The following ARHGAP28 variants were observed in gnomAD, a reference collection of about 807,000 sequenced individuals.
ARHGAP28 encodes rho GTPase-activating protein 28.
ARHGAP28 carries 56 observed loss-of-function variants against 90.7 expected under a neutral mutation model. The observed-to-expected ratio is 0.62, with a 90% CI of 0.50 to 0.77. The LOEUF (loss-of-function observed/expected upper bound fraction) is 0.77, where lower values mean the gene tolerates loss of function less well. ARHGAP28 is among the 30% of genes least tolerant of loss of function. The pLI is 0.00. For synonymous variants in ARHGAP28, 308 were observed against 323.3 expected (o/e 0.95, Z 0.51); for missense variants, 869 against 900.9 (o/e 0.96, Z 0.45).
At chr18:6,781,412 C>A (rs530032393) in intron 1 of ARHGAP28, among the ~76,000 whole-genome samples, 2 of 152,314 alleles carry the variant, frequency 1.3e-5, no homozygotes, top group South Asian at 4.1e-4. Flanking sequence ...CAGCCAGGCA[C>A]GTCTGTCAGG....
chr18:6,844,769 A>T (rs1231060970), intron 3 of ARHGAP28, among the ~76,000 whole-genome samples: 1 of 152,208 alleles, frequency 6.6e-6, no homozygotes, highest in African/African-American at 2.4e-5. Flanking sequence ...AGAAAAAAAA[A>T]TTATTTCAAG....
At chr18:6,840,881 G>A (rs2056802258) in intron 3 of ARHGAP28, among the ~76,000 whole-genome samples, 1 of 152,094 alleles carries the variant, frequency 6.6e-6, no homozygotes, top group Admixed American at 6.6e-5. Flanking sequence ...ATTGTTCCTT[G>A]TCAGAGATGT....
intron 2 of ARHGAP28, among the ~76,000 whole-genome samples, chr18:6,830,789 TAACTC>T (rs1426531678): frequency 3.9e-5 from 6 of 152,204 alleles, no homozygotes; most frequent in Non-Finnish European, 4.4e-5. Flanking sequence ...TTGGGGAACA[TAACTC>T]AACCCATAAC....
chr18:6,800,718 G>C (rs746836311), intron 1 of ARHGAP28, among the ~76,000 whole-genome samples: 17 of 152,252 alleles, frequency 1.1e-4, no homozygotes, highest in Admixed American at 5.2e-4. Flanking sequence ...AGGGGATGGG[G>C]GACTAGGGGA....
intron 2 of ARHGAP28, 103 bp downstream of exon 2, chr18:6,825,067 A>G (rs1479883196): frequency 5.7e-6 from 6 of 1,045,136 alleles, no homozygotes; most frequent in Middle Eastern, 3.2e-4. Flanking sequence ...AGTTTAACCA[A>G]TGAATCAGTA....
chr18:6,898,754 A>G, intron 16 of ARHGAP28: 2 of 1,266,574 alleles, frequency 1.6e-6, no homozygotes, highest in Non-Finnish European at 2.0e-6. Context: ...TTTTATAACA[A>G]CTTGTTCAAA....
At chr18:6,841,203 C>CCTCTCTCT (rs1555631524) in intron 3 of ARHGAP28, among the ~76,000 whole-genome samples, 2 of 41,978 alleles carry the variant, frequency 4.8e-5, no homozygotes, top group African/African-American at 1.2e-4. Flanking sequence ...CTCTCTCTCT[C>CCTCTCTCT]CTCTCCTCTC....
intron 16 of ARHGAP28, chr18:6,897,549 A>G (rs1189920058): frequency 6.6e-6 from 1 of 152,230 alleles, no homozygotes; most frequent in Admixed American, 6.5e-5. Context: ...GCACTCATTT[A>G]TCCATTGTAG....
chr18:6,780,789 G>A (rs2056318101), intron 1 of ARHGAP28, among the ~76,000 whole-genome samples: 1 of 151,962 alleles, frequency 6.6e-6, no homozygotes, highest in East Asian at 1.9e-4. Flanking sequence ...CTACTCACGA[G>A]GCTGAGGCAG....
At chr18:6,788,990 AT>A (rs1191318194) in intron 1 of ARHGAP28, 1 of 152,208 alleles carries the variant, frequency 6.6e-6, no homozygotes, top group Non-Finnish European at 1.5e-5. Flanking sequence ...GAGTAATGAC[AT>A]TTGAATTGAG....
At chr18:6,802,492 C>T (rs545941860) in intron 1 of ARHGAP28, among the ~76,000 whole-genome samples, 2 of 151,732 alleles carry the variant, frequency 1.3e-5, no homozygotes, top group East Asian at 3.9e-4. Flanking sequence ...ATTACAGGTG[C>T]CTGCCACCAC....
At chr18:6,730,474 C>T (rs921006420) in intron 1 of ARHGAP28, among the ~76,000 whole-genome samples, 4 of 152,032 alleles carry the variant, frequency 2.6e-5, no homozygotes, top group African/African-American at 9.7e-5. Flanking sequence ...ATGTTAAAAC[C>T]TTTCAATTGT....
intron 3 of ARHGAP28, among the ~76,000 whole-genome samples, chr18:6,850,248 G>C (rs958991026): frequency 6.6e-6 from 1 of 152,030 alleles, no homozygotes; most frequent in Admixed American, 6.6e-5. Context: ...AATTATAAAT[G>C]TTCTTCTCTT....
intron 1 of ARHGAP28, among the ~76,000 whole-genome samples, chr18:6,787,233 A>G (rs1600183763): frequency 6.6e-6 from 1 of 151,382 alleles, no homozygotes; most frequent in East Asian, 1.9e-4. Flanking sequence ...AAAAAAAAAA[A>G]AAAAAAAAAG....
At chr18:6,868,060 T>G in intron 5 of ARHGAP28, 90 bp from the exon 6 acceptor site, 1 of 1,054,488 alleles carries the variant, frequency 9.5e-7, no homozygotes, top group Admixed American at 1.9e-5. Flanking sequence ...AAATAACTCT[T>G]GTATACTGCA....
At chr18:6,759,995 G>C (rs998235200) in intron 1 of ARHGAP28, among the ~76,000 whole-genome samples, 25 of 152,182 alleles carry the variant, frequency 1.6e-4, no homozygotes, top group Admixed American at 1.5e-3. Context: ...GGAGAAACTT[G>C]TGATCAAAAC....
At chr18:6,860,449 A>C (rs950468294) in intron 5 of ARHGAP28, among the ~76,000 whole-genome samples, 1 of 152,146 alleles carries the variant, frequency 6.6e-6, no homozygotes, top group Non-Finnish European at 1.5e-5. Context: ...CCCCACTGCG[A>C]ATCCCCATTC....
chr18:6,748,564 A>G (rs2056043915), intron 1 of ARHGAP28, among the ~76,000 whole-genome samples: 1 of 152,122 alleles, frequency 6.6e-6, no homozygotes. Context: ...GAGAAAGCTG[A>G]TGGAGGAGAG....
chr18:6,827,671 C>T (rs1040660448), intron 2 of ARHGAP28, among the ~76,000 whole-genome samples: 1 of 149,936 alleles, frequency 6.7e-6, no homozygotes, highest in Non-Finnish European at 1.5e-5. Context: ...CTGGATGGGG[C>T]GGCTGGCTGG....
Sources: gnomAD v4.1 joint callset for allele counts (sites outside exome capture counted in the v4.1 genomes callset) on GRCh38, gnomAD v4.1.1 for gene constraint, MANE v1.5 for transcripts, NCBI Gene and HGNC (gene_info 2026-07-23, HGNC 2026-07-21) for gene names.